The following RNASE12 variants were observed in gnomAD, a reference collection of about 807,000 sequenced individuals.
RNASE12 encodes ribonuclease A family member 12 (inactive), also known as probable inactive ribonuclease-like protein 12.
For missense variants in RNASE12, 161 were observed against 177.6 expected, an observed-to-expected ratio of 0.91 and a Z score of 0.53; for synonymous variants, 55 against 59.8, an observed-to-expected ratio of 0.92 and a Z score of 0.37.
chr14:20,590,811 C>T (rs1357873108), exon 1 of RNASE12: 2 of 1,543,762 alleles, frequency 1.3e-6, no homozygotes, highest in Non-Finnish European at 8.7e-7. Flanking sequence ...CAGATTCCTC[C>T]TGCTCCAACC....
chr14:20,590,477 G>A (rs1416559939), exon 1 of RNASE12: 1 of 1,614,232 alleles, frequency 6.2e-7, no homozygotes, highest in Admixed American at 1.7e-5. Context: ...ACCTTCTTGG[G>A]AGAAATGCAA....
exon 1 of RNASE12, chr14:20,590,638 T>C (rs1253194545): frequency 1.9e-6 from 3 of 1,614,224 alleles, no homozygotes; most frequent in Non-Finnish European, 1.7e-6. Flanking sequence ...CACATGCAAG[T>C]GTTCTAAAGT....
At chr14:20,590,454 G>C in exon 1 of RNASE12, 1 of 1,614,188 alleles carries the variant, frequency 6.2e-7, no homozygotes, top group Non-Finnish European at 8.5e-7. Context: ...TGGCCGAAAG[G>C]TTTTGGCAAG....
upstream of RNASE12, chr14:20,590,857 C>G (rs1309057908): frequency 2.0e-6 from 3 of 1,467,528 alleles, no homozygotes; most frequent in African/African-American, 4.3e-5. Context: ...TATTTTATTT[C>G]CTTCTCTCCA....
downstream of RNASE12, chr14:20,590,161 A>G (rs536512259): frequency 1.3e-6 from 2 of 1,494,962 alleles, no homozygotes; most frequent in South Asian, 2.7e-5. Context: ...ATTAATTACC[A>G]GTGGCTTCCC....
At chr14:20,590,371 G>A (rs1327368810) in exon 1 of RNASE12, 1 of 1,614,024 alleles carries the variant, frequency 6.2e-7, no homozygotes, top group African/African-American at 1.3e-5. Flanking sequence ...GTACCTGCAG[G>A]CAGGGTATCT....
upstream of RNASE12, chr14:20,590,835 C>T (rs1648916620): frequency 6.6e-7 from 1 of 1,504,906 alleles, no homozygotes; most frequent in Non-Finnish European, 8.9e-7. Context: ...GGCTGCTCCC[C>T]CATCCTTGGA....
chr14:20,590,344 T>G (rs143595951), exon 1 of RNASE12: 310 of 1,614,144 alleles, frequency 1.9e-4, no homozygotes, highest in Middle Eastern at 4.9e-4. Flanking sequence ...AACAAACCCC[T>G]CTGTGGGGGA....
At chr14:20,590,334 A>T (rs377262823) in exon 1 of RNASE12, 26 of 1,614,098 alleles carry the variant, frequency 1.6e-5, no homozygotes, top group Non-Finnish European at 1.9e-5. Context: ...AAGTGACAAG[A>T]ACAAACCCCT....
At chr14:20,590,559 G>T (rs748931495) in exon 1 of RNASE12, 4 of 1,614,118 alleles carry the variant, frequency 2.5e-6, no homozygotes, top group Non-Finnish European at 3.4e-6. Flanking sequence ...CAGGTTCCCT[G>T]ATAACTCTTT....
chr14:20,590,755 T>G, exon 1 of RNASE12: 1 of 1,599,530 alleles, frequency 6.3e-7, no homozygotes, highest in South Asian at 1.1e-5. Context: ...ATCTTTGGCT[T>G]TGACTGCTGT....
At chr14:20,591,128 C>T (rs1006568001), upstream of RNASE12, 51 of 985,214 alleles carry the variant, frequency 5.2e-5, no homozygotes, top group African/African-American at 3.3e-4. Context: ...CCTTCTTTCC[C>T]GTAATTTTCT....
chr14:20,590,657 C>T (rs369270374), exon 1 of RNASE12: 1 of 1,614,260 alleles, frequency 6.2e-7, no homozygotes, highest in Non-Finnish European at 8.5e-7. Flanking sequence ...GTTGACATCA[C>T]TGCTTCATCA....
chr14:20,590,757 G>C (rs769531390), exon 1 of RNASE12: 1 of 1,599,360 alleles, frequency 6.3e-7, no homozygotes, highest in South Asian at 1.1e-5. Context: ...CTTTGGCTTT[G>C]ACTGCTGTTG....
exon 1 of RNASE12, chr14:20,590,227 C>A: frequency 6.3e-7 from 1 of 1,590,950 alleles, no homozygotes; most frequent in Non-Finnish European, 8.6e-7. Flanking sequence ...CAGGCACAGC[C>A]AGCTCCAATG....
exon 1 of RNASE12, chr14:20,590,803 G>T: frequency 1.3e-6 from 2 of 1,562,710 alleles, no homozygotes; most frequent in Non-Finnish European, 1.7e-6. Flanking sequence ...AGGACAGTCA[G>T]ATTCCTCCTG....
In RNASE12 at chr14:20,590,436, G is replaced by A. The variant is rs139738151; in HGVS notation, c.288C>T (p.Cys96=). Residue 96 remains cysteine, a synonymous_variant, in exon 1 of 1, where the codon TGC becomes TGT. Coordinates refer to ENST00000556526, the Ensembl canonical transcript of RNASE12. ...TTTTGAACTTTGTCTCACTCTGAAAGCAGAAAATGGCCGAAAGGTTTTGGC... is the reference window on the plus strand; with the variant it reads ...TTTTGAACTTTGTCTCACTCTGAAAACAGAAAATGGCCGAAAGGTTTTGGC... 3.1e-4 allele frequency: 502 copies of A among 1,614,210 alleles called. 1 individual carries two copies. The African/African-American group carries it at 5.7e-3, about 18-fold the overall frequency.
At chr14:20,591,013 C>T (rs556335002), upstream of RNASE12, 10 of 985,374 alleles carry the variant, frequency 1.0e-5, no homozygotes, top group East Asian at 9.1e-4. Flanking sequence ...TCTACAAGTT[C>T]TTTGACAGCA....
chr14:20,590,275 T>A, exon 1 of RNASE12: 1 of 1,612,364 alleles, frequency 6.2e-7, no homozygotes, highest in Non-Finnish European at 8.5e-7. Context: ...GGAGCTGATC[T>A]TGAGTTATTT....
Sources: allele counts gnomAD v4.1 joint callset, GRCh38; gene constraint gnomAD v4.1.1; transcripts MANE v1.5; gene names NCBI Gene and HGNC (gene_info 2026-07-23, HGNC 2026-07-21).